Variants in SYNE2 observed in about 807,000 individuals in gnomAD.
The protein encoded by SYNE2 is nesprin-2.
A neutral mutation model predicts 856.3 loss-of-function variants in SYNE2; 431 were observed. That is an observed-to-expected ratio of 0.50 (90% CI 0.47 to 0.55). The LOEUF (loss-of-function observed/expected upper bound fraction) is 0.55, where lower values mean the gene tolerates loss of function less well. Ranked by LOEUF, SYNE2 falls within the 20% of genes least tolerant of loss-of-function variation. The pLI, the probability that SYNE2 is intolerant of heterozygous loss-of-function variation, is 0.00. For missense variants in SYNE2, 8,129 were observed against 8,023.2 expected (o/e 1.01, Z -0.50); for synonymous variants, 2,923 against 2,872.3 (o/e 1.02, Z -0.56).
intron 73 of SYNE2, 76 bp from the exon 74 acceptor site, chr14:64,128,376 T>C (rs780635836): frequency 2.8e-5 from 23 of 817,046 alleles, no homozygotes; most frequent in Non-Finnish European, 3.9e-5. Flanking sequence ...ACAAAAATTA[T>C]AAAAACCAAC....
At chr14:64,034,878 T>G (rs1042107882) in intron 45 of SYNE2, among the ~76,000 whole-genome samples, 26 of 151,666 alleles carry the variant, frequency 1.7e-4, no homozygotes, top group African/African-American at 5.8e-4. Context: ...TATGTGCCCA[T>G]AAAGAGAAAC....
chr14:63,848,921 G>T (rs920855662), upstream of SYNE2, among the ~76,000 whole-genome samples: 2 of 152,174 alleles, frequency 1.3e-5, no homozygotes, highest in African/African-American at 4.8e-5. Context: ...GTTGGACTAT[G>T]GTTCAACTGG....
chr14:64,024,782 T>C, intron 39 of SYNE2, 130 bp from the exon 40 acceptor site: 1 of 1,004,286 alleles, frequency 1.0e-6, no homozygotes, highest in South Asian at 1.5e-5. Context: ...TATTACAAAT[T>C]AAATTCTCTC....
At chr14:64,062,938 A>C (rs199747596) in intron 50 of SYNE2, 43 bp downstream of exon 50, 1 of 1,613,362 alleles carries the variant, frequency 6.2e-7, no homozygotes, top group South Asian at 1.1e-5. Flanking sequence ...TGTGCAAAAA[A>C]TTGCAGAACA....
intron 1 of SYNE2, among the ~76,000 whole-genome samples, chr14:63,902,444 T>C (rs2095351276): frequency 6.6e-6 from 1 of 151,754 alleles, no homozygotes; most frequent in Admixed American, 6.6e-5. Flanking sequence ...TAGTTTTATT[T>C]ATTTTAGTAC....
At chr14:63,988,782 A>C (rs2096644922) in intron 19 of SYNE2, among the ~76,000 whole-genome samples, 1 of 152,206 alleles carries the variant, frequency 6.6e-6, no homozygotes, top group African/African-American at 2.4e-5. Context: ...GGGCTTGTGC[A>C]GGGAAACTCC....
intron 70 of SYNE2, among the ~76,000 whole-genome samples, chr14:64,124,502 G>A (rs1314671370): frequency 6.6e-6 from 1 of 151,572 alleles, no homozygotes; most frequent in Non-Finnish European, 1.5e-5. Context: ...AGGATTATAG[G>A]CATAAGCCAC....
At chr14:64,110,280 TACTGATTACTTC>T (rs1372411209) in intron 65 of SYNE2, among the ~76,000 whole-genome samples, 4 of 152,220 alleles carry the variant, frequency 2.6e-5, no homozygotes, top group Non-Finnish European at 5.9e-5. Context: ...TTTTACTGAT[TACTGATTACTTC>T]ACTGATTACT....
intron 85 of SYNE2, among the ~76,000 whole-genome samples, chr14:64,153,042 T>C (rs1595871480): frequency 6.6e-6 from 1 of 152,182 alleles, no homozygotes; most frequent in African/African-American, 2.4e-5. Flanking sequence ...TGGCAAGATA[T>C]ACAGAAACAG....
At chr14:63,946,867 T>C (rs185965544) in intron 6 of SYNE2, among the ~76,000 whole-genome samples, 133 of 152,050 alleles carry the variant, frequency 8.7e-4, no homozygotes, top group Middle Eastern at 3.4e-3. Context: ...TTTTTTTTAT[T>C]GAGACAGAAT....
chr14:64,190,199 C>A lies in SYNE2; in HGVS notation c.18000C>A (p.Asn6000Lys), dbSNP rs150002885. 1.6e-4 allele frequency: 257 copies of A among 1,614,050 alleles called. No individual in the cohort carries two copies. The highest frequency in any genetic ancestry group is 2.0e-4 in the Non-Finnish European group (237 of 1,180,018). The change falls in exon 99 of 116, where the codon AAC becomes AAA. Residue 6000 changes from asparagine to lysine, a missense_variant. Physicochemically the swap from Asn to Lys is moderately conservative, Grantham distance 94 (BLOSUM62 0). Coordinates refer to ENST00000555002, the MANE Select transcript of SYNE2 (RefSeq NM_182914.3). Reference protein sequence around the residue: ...AEIDDKLNKINDRWQHLFDVI... With the variant: ...AEIDDKLNKIKDRWQHLFDVI... ...TCGATGACAAGCTCAACAAAATTAA[C>A]GATCGTTGGCAACATCTTTTTGATG...
At chr14:63,938,948 G>GCATGTGTGCGCT (rs140569278) in intron 2 of SYNE2, among the ~76,000 whole-genome samples, 16 of 151,784 alleles carry the variant, frequency 1.1e-4, no homozygotes, top group Admixed American at 1.1e-3. Flanking sequence ...GTGTGCGTGT[G>GCATGTGTGCGCT]TGCATGTGTG....
intron 94 of SYNE2, among the ~76,000 whole-genome samples, chr14:64,171,652 C>A (rs866435195): frequency 6.6e-6 from 1 of 152,122 alleles, no homozygotes; most frequent in Non-Finnish European, 1.5e-5. Flanking sequence ...AGAACAAGCT[C>A]AGCACAGAGG....
chr14:64,173,573 C>T (rs1360881484), intron 94 of SYNE2, among the ~76,000 whole-genome samples: 2 of 152,232 alleles, frequency 1.3e-5, no homozygotes, highest in Admixed American at 1.3e-4. Context: ...CAAGAAATTT[C>T]AAGGTGAAGG....
chr14:64,070,356 C>T (rs564227277), intron 51 of SYNE2, among the ~76,000 whole-genome samples: 10 of 152,284 alleles, frequency 6.6e-5, no homozygotes, highest in African/African-American at 1.4e-4. Context: ...GTTGCTTTAT[C>T]CATCTGAAAT....
intron 1 of SYNE2, among the ~76,000 whole-genome samples, chr14:63,891,546 C>T (rs1332231139): frequency 6.6e-6 from 1 of 151,786 alleles, no homozygotes; most frequent in East Asian, 1.9e-4. Flanking sequence ...ATGTAAATTT[C>T]CTTTACAAAG....
chr14:63,835,476 G>A (rs1234094797), intron 1 of SYNE2, among the ~76,000 whole-genome samples: 9 of 151,748 alleles, frequency 5.9e-5, no homozygotes, highest in Non-Finnish European at 1.0e-4. Context: ...CAAGTGATCC[G>A]CCCTCTTTGG....
chr14:64,082,896 A>C (rs2097534913), intron 57 of SYNE2, among the ~76,000 whole-genome samples: 2 of 152,182 alleles, frequency 1.3e-5, no homozygotes, highest in Admixed American at 1.3e-4. Flanking sequence ...AGTCAAAACA[A>C]ATGAAAGTGT....
Position 64,159,039 on chromosome 14 carries a change from A to G in SYNE2, c.15963+244A>G, listed in dbSNP as rs75408790. ...GAATCTTCCTTTATTTTCCATGTCC[A>G]TATTATTTCACAATTTAAGGTTTTG... is the stretch of plus-strand genomic sequence containing the variant. On this transcript the variant is annotated intron_variant, in intron 86 of 115. Transcript: ENST00000555002. Among the ~76,000 whole-genome samples, 3,565 of 152,098 alleles carry G rather than the reference A, an allele frequency of 0.023. 76 individuals carry two copies. Among genetic ancestry groups the G allele is most frequent in the Non-Finnish European group, 0.033 (2,228 of 67,974 alleles).
Sources: allele counts gnomAD v4.1 joint callset (sites outside exome capture counted in the v4.1 genomes callset), GRCh38; gene constraint gnomAD v4.1.1; transcripts MANE v1.5; gene names NCBI Gene and HGNC (gene_info 2026-07-23, HGNC 2026-07-21).